Variants in CHL1 observed in about 807,000 individuals in gnomAD.
The protein encoded by CHL1 is cell adhesion molecule L1 like, also known as neural cell adhesion molecule L1-like protein.
CHL1 carries 96 observed loss-of-function variants against 141.9 expected under a neutral mutation model. The observed-to-expected ratio is 0.68, with a 90% CI of 0.57 to 0.80. CHL1 has a LOEUF of 0.80. CHL1 is among the 30% of genes least tolerant of loss of function. The pLI is 0.00. For synonymous variants in CHL1, 613 were observed against 502.2 expected, an observed-to-expected ratio of 1.22 and a Z score of -2.95; for missense variants, 1,820 against 1,457.2, an observed-to-expected ratio of 1.25 and a Z score of -4.05.
At chr3:201,487 G>T (rs1698933383) in intron 1 of CHL1, among the ~76,000 whole-genome samples, 1 of 152,092 alleles carries the variant, frequency 6.6e-6, no homozygotes, top group Non-Finnish European at 1.5e-5. Context: ...TAAATTATTA[G>T]AAGTGTGTGT....
intron 1 of CHL1, among the ~76,000 whole-genome samples, chr3:242,427 T>A (rs1347569266): frequency 1.5e-5 from 2 of 136,546 alleles, no homozygotes; most frequent in East Asian, 2.2e-4. Context: ...AAACCCCGTC[T>A]CTACTAAAAA....
intron 5 of CHL1, among the ~76,000 whole-genome samples, chr3:336,702 A>C (rs1473015876): frequency 2.6e-5 from 4 of 152,264 alleles, no homozygotes; most frequent in Non-Finnish European, 5.9e-5. Flanking sequence ...TCCTATAGAT[A>C]TAAATTCTGT....
At chr3:320,074 T>C (rs1700442289) in intron 3 of CHL1, among the ~76,000 whole-genome samples, 1 of 152,046 alleles carries the variant, frequency 6.6e-6, no homozygotes, top group Non-Finnish European at 1.5e-5. Context: ...ACCCAGGCTT[T>C]TAGTTCCTTA....
chr3:340,786 T>TA lies in CHL1; in HGVS notation c.386-7dup. The TA allele has an allele frequency of 6.3e-7, 1 of 1,599,684 alleles. No homozygotes were observed. On this transcript the variant is annotated splice_polypyrimidine_tract_variant and splice_region_variant and intron_variant, in intron 5 of 27. Transcript: ENST00000256509. ...AAAATAACACATTAAAATGATTTTT[T>TA]ACACCAGGTGTTCCAAAATTCCCAA... is the stretch of plus-strand genomic sequence containing the variant.
intron 1 of CHL1, among the ~76,000 whole-genome samples, chr3:243,619 A>T (rs1692879513): frequency 6.6e-6 from 1 of 152,166 alleles, no homozygotes; most frequent in Non-Finnish European, 1.5e-5. Context: ...CTCCGGAGGC[A>T]TTGCAATCTG....
chr3:331,206 CTTTT>C (rs905428260), intron 5 of CHL1, among the ~76,000 whole-genome samples: 9 of 87,884 alleles, frequency 1.0e-4, no homozygotes, highest in East Asian at 2.8e-4. Flanking sequence ...TCCTTTCTGG[CTTTT>C]TTGTTTGTTT....
chr3:260,237 C>G (rs1292544045), intron 2 of CHL1, among the ~76,000 whole-genome samples: 1 of 150,578 alleles, frequency 6.6e-6, no homozygotes, highest in African/African-American at 2.5e-5. Context: ...GCACTCCAGA[C>G]TGGGTGACAG....
At chr3:276,061 T>C (rs1292369275) in intron 2 of CHL1, among the ~76,000 whole-genome samples, 1 of 151,898 alleles carries the variant, frequency 6.6e-6, no homozygotes, top group African/African-American at 2.4e-5. Context: ...TATGTTGAAC[T>C]CTAAAGTCGA....
chr3:303,776 T>A (rs750367074), intron 2 of CHL1, among the ~76,000 whole-genome samples: 2 of 152,186 alleles, frequency 1.3e-5, no homozygotes, highest in East Asian at 3.8e-4. Context: ...ATAGGAGTGG[T>A]GAGAGAGGGC....
chr3:236,468 A>G (rs1021951147), intron 1 of CHL1, among the ~76,000 whole-genome samples: 7 of 152,166 alleles, frequency 4.6e-5, no homozygotes, highest in Non-Finnish European at 5.9e-5. Flanking sequence ...CTTGGACAGT[A>G]GCAATGAAAT....
chr3:278,514 A>G (rs1480575405), intron 2 of CHL1, among the ~76,000 whole-genome samples: 1 of 152,204 alleles, frequency 6.6e-6, no homozygotes, highest in Non-Finnish European at 1.5e-5. Flanking sequence ...TCTCAAAGCA[A>G]TGAACCATGG....
chr3:259,288 TTG>T (rs1329237941), intron 2 of CHL1, among the ~76,000 whole-genome samples: 5 of 151,370 alleles, frequency 3.3e-5, no homozygotes, highest in Non-Finnish European at 7.4e-5. Context: ...GTGTGTGTGC[TTG>T]TGTGTGTGCG....
At chr3:209,551 C>G (rs1027320303) in intron 1 of CHL1, among the ~76,000 whole-genome samples, 3 of 152,128 alleles carry the variant, frequency 2.0e-5, no homozygotes, top group African/African-American at 7.2e-5. Context: ...AAATTCTTAA[C>G]AGAACCCTAA....
At chr3:209,775 T>A (rs1699746068) in intron 1 of CHL1, among the ~76,000 whole-genome samples, 1 of 152,216 alleles carries the variant, frequency 6.6e-6, no homozygotes, top group Admixed American at 6.5e-5. Flanking sequence ...AGTGTTCTCA[T>A]TGAACAGAAC....
intron 6 of CHL1, among the ~76,000 whole-genome samples, 190 bp downstream of exon 6, chr3:341,106 A>T (rs551591721): frequency 6.6e-6 from 1 of 152,336 alleles, no homozygotes; most frequent in East Asian, 1.9e-4. Context: ...CAAACAGTGC[A>T]CTTACCTTTG....
chr3:272,918 T>A (rs1695767169), intron 2 of CHL1, among the ~76,000 whole-genome samples: 2 of 152,170 alleles, frequency 1.3e-5, no homozygotes, highest in South Asian at 4.1e-4. Flanking sequence ...TCTAGGGAGA[T>A]GACAGACAGC....
intron 2 of CHL1, among the ~76,000 whole-genome samples, chr3:283,822 G>GA (rs1401912075): frequency 3.3e-5 from 5 of 152,242 alleles, no homozygotes; most frequent in East Asian, 1.9e-4. Context: ...ATCCGTGGGG[G>GA]AAAAATCCCT....
At chr3:344,567 A>T (rs1559286305) in intron 8 of CHL1, 22 bp from the exon 9 acceptor site, 3 of 1,584,402 alleles carry the variant, frequency 1.9e-6, no homozygotes, top group African/African-American at 2.7e-5. Flanking sequence ...AAAAATTCTG[A>T]CTTTTCTTTT....
intron 1 of CHL1, among the ~76,000 whole-genome samples, chr3:207,605 A>G (rs1445954534): frequency 2.0e-5 from 3 of 152,208 alleles, no homozygotes; most frequent in Non-Finnish European, 4.4e-5. Context: ...TCTATCACCT[A>G]TATCTGCATG....
Sources: gnomAD v4.1 joint callset for allele counts (sites outside exome capture counted in the v4.1 genomes callset) on GRCh38, gnomAD v4.1.1 for gene constraint, MANE v1.5 for transcripts, NCBI Gene and HGNC (gene_info 2026-07-23, HGNC 2026-07-21) for gene names.